RNF216: variants seen among roughly 807,000 people sequenced by gnomAD.
RNF216 encodes the protein E3 ubiquitin-protein ligase RNF216.
Under a neutral mutation model 110.8 loss-of-function variants are expected in RNF216, and 72 were observed. The ratio of observed to expected loss-of-function variants is 0.65; its 90% CI spans 0.54 to 0.79. The LOEUF (loss-of-function observed/expected upper bound fraction) is 0.79, where lower values mean the gene tolerates loss of function less well. Among genes scored for constraint, RNF216 ranks in the 30% least tolerant of loss-of-function variants. RNF216 has a pLI of 0.00. For missense variants in RNF216, 1,342 were observed against 1,141.2 expected (o/e 1.18, Z -2.54); for synonymous variants, 495 against 407.5 (o/e 1.21, Z -2.59).
intron 3 of RNF216, among the ~76,000 whole-genome samples, chr7:5,746,278 T>C (rs1795024413): frequency 6.6e-6 from 1 of 152,114 alleles, no homozygotes; most frequent in Non-Finnish European, 1.5e-5. Context: ...ATCTGGGCTA[T>C]GGCAGGGCAC....
chr7:5,685,220 C>G (rs1032715116), intron 13 of RNF216, among the ~76,000 whole-genome samples: 1 of 152,218 alleles, frequency 6.6e-6, no homozygotes, highest in Admixed American at 6.5e-5. Context: ...GGTAGCTCCC[C>G]TGGCTGTGGT....
chr7:5,669,200 T>G (rs1368437919), intron 13 of RNF216, among the ~76,000 whole-genome samples: 1 of 152,206 alleles, frequency 6.6e-6, no homozygotes, highest in African/African-American at 2.4e-5. Flanking sequence ...CTATACCTAC[T>G]AAGCAGAGTT....
intron 5 of RNF216, among the ~76,000 whole-genome samples, chr7:5,737,945 G>A (rs544673679): frequency 5.4e-4 from 82 of 151,880 alleles, no homozygotes; most frequent in African/African-American, 1.5e-3. Flanking sequence ...AAAATTAGCC[G>A]GACAGGGTGG....
chr7:5,778,083 T>C (rs960452741), intron 1 of RNF216, among the ~76,000 whole-genome samples: 6 of 152,338 alleles, frequency 3.9e-5, no homozygotes, highest in Non-Finnish European at 7.4e-5. Context: ...CATACGGCAT[T>C]TGAGTTATTT....
At chr7:5,738,699 C>T (rs1302770907) in intron 5 of RNF216, among the ~76,000 whole-genome samples, 4 of 92,900 alleles carry the variant, frequency 4.3e-5, no homozygotes, top group Admixed American at 3.2e-4. Context: ...CAGAGTGAGA[C>T]TCCGTCTCAA....
chr7:5,664,436 T>C (rs1327070939), intron 13 of RNF216, among the ~76,000 whole-genome samples: 1 of 152,178 alleles, frequency 6.6e-6, no homozygotes, highest in Non-Finnish European at 1.5e-5. Flanking sequence ...TGCTTGCAGA[T>C]GGTGTGAGAA....
At chr7:5,702,914 C>T (rs1250589948) in intron 13 of RNF216, among the ~76,000 whole-genome samples, 1 of 152,144 alleles carries the variant, frequency 6.6e-6, no homozygotes, top group Non-Finnish European at 1.5e-5. Flanking sequence ...GACTTTAAGC[C>T]AGTGTCTATT....
chr7:5,774,105 C>G (rs956843886), intron 1 of RNF216, among the ~76,000 whole-genome samples: 37 of 152,310 alleles, frequency 2.4e-4, no homozygotes, highest in African/African-American at 7.9e-4. Context: ...AAATGTAAGT[C>G]TCTGTATCAG....
chr7:5,741,031 C>G lies in RNF216; in HGVS notation c.986G>C (p.Trp329Ser). 7 of 1,613,932 alleles carry G rather than the reference C, an allele frequency of 4.3e-6. No individual in the cohort carries two copies. Among genetic ancestry groups the G allele is most frequent in the Non-Finnish European group, 5.9e-6 (7 of 1,179,956 alleles). ...ATCTACCTCTGCAGCTTCTTGCCCC[C>G]AAATGTTTTCCAAATTGGGCTCTTG... Reference protein sequence around the residue: ...ESQEPNLENIWGQEAAEVDQE... With the variant: ...ESQEPNLENISGQEAAEVDQE... Residue 329 changes from tryptophan (W) to serine (S), a missense_variant, in exon 4 of 17, where the codon TGG becomes TCG. Physicochemically the swap from Trp to Ser is radical, Grantham distance 177. Coordinates refer to ENST00000389902, the MANE Select transcript of RNF216 (RefSeq NM_207111.4).
At chr7:5,653,508 G>A (rs1262420746) in intron 13 of RNF216, among the ~76,000 whole-genome samples, 2 of 149,006 alleles carry the variant, frequency 1.3e-5, no homozygotes, top group Non-Finnish European at 3.0e-5. Context: ...GGCTGAAGCA[G>A]GAGAAAGGCG....
At chr7:5,770,024 CAAAAAAAA>C (rs1163710982) in intron 1 of RNF216, among the ~76,000 whole-genome samples, 39 of 24,146 alleles carry the variant, frequency 1.6e-3, no homozygotes, top group African/African-American at 5.1e-3. Context: ...AGACCCATCT[CAAAAAAAA>C]AAAAAAAAAA....
intron 8 of RNF216, among the ~76,000 whole-genome samples, chr7:5,722,792 A>G (rs1261976801): frequency 1.3e-5 from 2 of 151,818 alleles, no homozygotes; most frequent in Non-Finnish European, 2.9e-5. Flanking sequence ...GAGGCCAAGG[A>G]GGGCACATCA....
intron 1 of RNF216, among the ~76,000 whole-genome samples, chr7:5,781,207 G>A (rs28505204): frequency 0.39 from 59,841 of 151,986 alleles, 12,576 homozygotes; most frequent in Admixed American, 0.49. Flanking sequence ...CCTCGGGCCC[G>A]GGGGAGGGAA....
intron 4 of RNF216, 185 bp from the exon 5 acceptor site, chr7:5,739,537 G>C (rs1794632678): frequency 4.5e-6 from 3 of 674,040 alleles, no homozygotes; most frequent in Non-Finnish European, 5.5e-6. Context: ...TAGAAGATGA[G>C]GTCTAGAAAG....
At chr7:5,773,000 G>A (rs771124499) in intron 1 of RNF216, among the ~76,000 whole-genome samples, 6 of 151,116 alleles carry the variant, frequency 4.0e-5, no homozygotes, top group African/African-American at 1.2e-4. Context: ...GGCTAGTCTC[G>A]AACTACTGAC....
chr7:5,673,748 G>A (rs1405926661), intron 13 of RNF216, among the ~76,000 whole-genome samples: 4 of 152,114 alleles, frequency 2.6e-5, no homozygotes, highest in East Asian at 3.9e-4. Context: ...GCAGTGGTGC[G>A]CACCTGTAAT....
intron 15 of RNF216, among the ~76,000 whole-genome samples, chr7:5,630,789 A>G (rs913023081): frequency 2.0e-5 from 3 of 152,170 alleles, no homozygotes; most frequent in African/African-American, 7.2e-5. Flanking sequence ...CACACCTCAC[A>G]TGGACCTCAG....
At chr7:5,689,871 C>T (rs1445528929) in intron 13 of RNF216, among the ~76,000 whole-genome samples, 1 of 148,048 alleles carries the variant, frequency 6.8e-6, no homozygotes, top group Non-Finnish European at 1.5e-5. Flanking sequence ...ATCCAGGAGG[C>T]GGGGGGTTGC....
intron 2 of RNF216, among the ~76,000 whole-genome samples, chr7:5,754,119 G>GGTGTGTGTGT (rs10543449): frequency 1.4e-5 from 2 of 141,998 alleles, no homozygotes; most frequent in Admixed American, 7.2e-5. Flanking sequence ...TCTTTTGTGT[G>GGTGTGTGTGT]GTGTGTGTGT....
Sources: allele counts gnomAD v4.1 joint callset (sites outside exome capture counted in the v4.1 genomes callset), GRCh38; gene constraint gnomAD v4.1.1; transcripts MANE v1.5; gene names NCBI Gene and HGNC (gene_info 2026-07-23, HGNC 2026-07-21).